PMM2: variants seen among roughly 807,000 people sequenced by gnomAD.
The protein encoded by PMM2 is mannose-6-phosphate isomerase.
PMM2 carries 35 observed loss-of-function variants against 33.2 expected under a neutral mutation model. That is an observed-to-expected ratio of 1.06 (90% CI 0.81 to 1.40). PMM2 has a LOEUF of 1.40. PMM2 is among the 40% of genes most tolerant of loss of function. The pLI is 0.00. For missense variants in PMM2, 386 were observed against 306.0 expected, an observed-to-expected ratio of 1.26 and a Z score of -1.95; for synonymous variants, 153 against 114.7, an observed-to-expected ratio of 1.33 and a Z score of -2.13.
intron 1 of PMM2, 27 bp from the exon 2 acceptor site, chr16:8,801,772 T>C (rs780012584): frequency 5.9e-6 from 8 of 1,359,610 alleles, no homozygotes. Context: ...GGCTTATGAC[T>C]GTTGTATTTT....
chr16:8,829,429 C>T (rs1027461891), intron 7 of PMM2, among the ~76,000 whole-genome samples: 61 of 152,238 alleles, frequency 4.0e-4, no homozygotes, highest in Non-Finnish European at 1.5e-4. Flanking sequence ...TTTATGGAAC[C>T]ACAGGCAAAA....
chr16:8,820,938 G>C (rs1324596866), intron 7 of PMM2, among the ~76,000 whole-genome samples: 9 of 152,208 alleles, frequency 5.9e-5, no homozygotes, highest in African/African-American at 2.2e-4. Context: ...GCGTGAATTA[G>C]TGAACCATGT....
intron 7 of PMM2, among the ~76,000 whole-genome samples, chr16:8,828,263 T>A (rs1387433546): frequency 6.6e-6 from 1 of 151,790 alleles, no homozygotes; most frequent in Non-Finnish European, 1.5e-5. Context: ...CCAAACGTAG[T>A]TTAGAGAAAA....
chr16:8,804,125 G>T (rs768118657), intron 2 of PMM2, among the ~76,000 whole-genome samples: 2 of 139,472 alleles, frequency 1.4e-5, no homozygotes, highest in African/African-American at 5.4e-5. Flanking sequence ...TGAACCCTCT[G>T]CCTCCTGGGT....
chr16:8,816,406 G>A (rs1049522847), intron 7 of PMM2, among the ~76,000 whole-genome samples: 7 of 151,554 alleles, frequency 4.6e-5, no homozygotes, highest in African/African-American at 9.7e-5. Context: ...GCTTATAGGC[G>A]TGAGCCACCA....
intron 7 of PMM2, among the ~76,000 whole-genome samples, chr16:8,829,777 T>C (rs931341166): frequency 6.6e-6 from 1 of 152,224 alleles, no homozygotes; most frequent in African/African-American, 2.4e-5. Flanking sequence ...CCAGACAAAC[T>C]AGGAGAGCCT....
chr16:8,808,703 A>T (rs2060660046), intron 4 of PMM2: 1 of 152,218 alleles, frequency 6.6e-6, no homozygotes, highest in Non-Finnish European at 1.5e-5. Context: ...GAAGAAGAAT[A>T]TGTCCTTGAG....
At chr16:8,800,665 C>CTTTTTTTTTTTTTTTTTTT (rs35148703) in intron 1 of PMM2, among the ~76,000 whole-genome samples, 6 of 126,640 alleles carry the variant, frequency 4.7e-5, no homozygotes, top group African/African-American at 5.6e-5. Flanking sequence ...TAAGCTTCTC[C>CTTTTTTTTTTTTTTTTTTT]TTTTTTTTTT....
intron 5 of PMM2, 94 bp from the exon 6 acceptor site, chr16:8,811,539 TAAATC>T (rs1351617768): frequency 9.8e-6 from 8 of 819,518 alleles, no homozygotes; most frequent in Non-Finnish European, 1.5e-5. Flanking sequence ...AACAAATAAA[TAAATC>T]AATAAGATAA....
At chr16:8,843,035 G>A (rs2060900658) in intron 7 of PMM2, among the ~76,000 whole-genome samples, 1 of 152,160 alleles carries the variant, frequency 6.6e-6, no homozygotes, top group Admixed American at 6.5e-5. Flanking sequence ...AGTCAGGGAA[G>A]CAGATAATTT....
Position 8,797,880 on chromosome 16 carries a change from G to T in PMM2, c.-3G>T, listed in dbSNP as rs954082829. On this transcript the variant is annotated 5_prime_UTR_variant, in exon 1 of 8. Transcript: ENST00000268261. ...TTGTAAGGTGCGGCTAGAAACTGGG[G>T]ACATGGCAGCGCCTGGCCCAGCGCT... The T allele has an allele frequency of 1.9e-6, 3 of 1,611,388 alleles. No homozygotes were observed. The highest frequency in any genetic ancestry group is 2.7e-5 in the African/African-American group (2 of 74,914).
chr16:8,811,503 G>C (rs568609866), intron 5 of PMM2, 135 bp from the exon 6 acceptor site: 9 of 709,092 alleles, frequency 1.3e-5, no homozygotes, highest in Admixed American at 4.2e-5. Context: ...CTGGGCAACA[G>C]AGCAAGACCC....
intron 7 of PMM2, chr16:8,832,384 G>C (rs1056451131): frequency 1.0e-6 from 1 of 985,294 alleles, no homozygotes; most frequent in Non-Finnish European, 1.2e-6. Flanking sequence ...TGATTCTCCA[G>C]ACCTAGCTTT....
intron 7 of PMM2, among the ~76,000 whole-genome samples, chr16:8,843,294 C>T (rs1227984986): frequency 6.6e-6 from 1 of 152,138 alleles, no homozygotes; most frequent in Non-Finnish European, 1.5e-5. Context: ...GTGAGAGTTA[C>T]CCAAAGCTTG....
intron 7 of PMM2, among the ~76,000 whole-genome samples, chr16:8,821,086 C>T (rs2060736898): frequency 6.6e-6 from 1 of 152,188 alleles, no homozygotes; most frequent in Admixed American, 6.5e-5. Context: ...GTGGATAGAT[C>T]TGTCTTACTA....
chr16:8,818,023 C>A (rs1034574239), intron 7 of PMM2, among the ~76,000 whole-genome samples: 64 of 151,594 alleles, frequency 4.2e-4, no homozygotes, highest in Non-Finnish European at 7.4e-4. Context: ...CCTGCCTCAT[C>A]CTCCCGAGTA....
At chr16:8,830,863 G>A (rs1387212614) in intron 7 of PMM2, among the ~76,000 whole-genome samples, 2 of 152,244 alleles carry the variant, frequency 1.3e-5, no homozygotes, top group Non-Finnish European at 2.9e-5. Flanking sequence ...TATAGGCCGG[G>A]CAGGGTGGCT....
chr16:8,823,871 G>T (rs2060751596), intron 7 of PMM2, among the ~76,000 whole-genome samples: 1 of 152,156 alleles, frequency 6.6e-6, no homozygotes, highest in Non-Finnish European at 1.5e-5. Flanking sequence ...ACTTCTATTG[G>T]CTCTGTTAGT....
At chr16:8,817,517 T>C (rs1335345203) in intron 7 of PMM2, among the ~76,000 whole-genome samples, 1 of 152,216 alleles carries the variant, frequency 6.6e-6, no homozygotes, top group African/African-American at 2.4e-5. Context: ...AGTTGGGACT[T>C]TGCAGAATGG....
Sources: gnomAD v4.1 joint callset for allele counts (sites outside exome capture counted in the v4.1 genomes callset) on GRCh38, gnomAD v4.1.1 for gene constraint, MANE v1.5 for transcripts, NCBI Gene and HGNC (gene_info 2026-07-23, HGNC 2026-07-21) for gene names.